The following SMUG1 variants were observed in gnomAD, a reference collection of about 807,000 sequenced individuals.
SMUG1 encodes the protein single-strand-selective monofunctional uracil-DNA glycosylase 1.
SMUG1 carries 13 observed loss-of-function variants against 23.9 expected under a neutral mutation model. The ratio of observed to expected loss-of-function variants is 0.54; its 90% CI spans 0.35 to 0.86. The LOEUF (loss-of-function observed/expected upper bound fraction) is 0.86. Among genes scored for constraint, SMUG1 ranks in the 40% least tolerant of loss-of-function variants. The probability of loss-of-function intolerance (pLI) is 0.01; values close to 1 mark genes in which losing one functional copy is unlikely to be tolerated. For missense variants in SMUG1, 313 were observed against 339.5 expected, an observed-to-expected ratio of 0.92 and a Z score of 0.61; for synonymous variants, 133 against 139.8, an observed-to-expected ratio of 0.95 and a Z score of 0.34.
chr12:54,179,885 A>G (rs1014982672), downstream of SMUG1, among the ~76,000 whole-genome samples: 2 of 152,266 alleles, frequency 1.3e-5, no homozygotes, highest in African/African-American at 2.4e-5. Flanking sequence ...AATATATGGT[A>G]GGGTCCAGGA....
exon 4 of SMUG1, chr12:54,165,410 G>A (rs974615812): frequency 1.3e-5 from 2 of 152,236 alleles, no homozygotes; most frequent in African/African-American, 4.8e-5. Context: ...AGTGGCCCAT[G>A]TCTGTAATTC....
chr12:54,173,854 C>T (rs1203557066), intron 2 of SMUG1, among the ~76,000 whole-genome samples: 2 of 151,362 alleles, frequency 1.3e-5, no homozygotes, highest in African/African-American at 4.9e-5. Flanking sequence ...CAGAAAGACA[C>T]GACAAGCCCC....
downstream of SMUG1, among the ~76,000 whole-genome samples, chr12:54,180,181 T>A (rs1940870276): frequency 6.6e-6 from 1 of 152,200 alleles, no homozygotes; most frequent in Admixed American, 6.5e-5. Context: ...TCAGCCTCCA[T>A]CCTCAGTCAA....
chr12:54,181,464 A>T lies in SMUG1; in HGVS notation c.*632T>A. The stretch of plus-strand genomic sequence containing the variant: ...GGTAGGCATCCCTGTTTTACAGATG[A>T]GGAGCCTGAGGCATAGAGAGGTTTA... On this transcript the variant is annotated 3_prime_UTR_variant, in exon 4 of 4. Transcript: ENST00000682136. The T allele has an allele frequency of 1.7e-6, 2 of 1,194,088 alleles. No homozygotes were observed. Among genetic ancestry groups the T allele is most frequent in the South Asian group, 2.6e-5 (2 of 76,090 alleles). The allele number at this position is 1,194,088 out of a possible 1,614,324, so 74.0% of individuals were successfully genotyped here. A position where few individuals can be genotyped will look rare whatever the true frequency, so the allele number is the denominator to read the frequency against.
downstream of SMUG1, chr12:54,162,323 A>T (rs1940295630): frequency 6.6e-6 from 1 of 152,176 alleles, no homozygotes; most frequent in Non-Finnish European, 1.5e-5. Flanking sequence ...ACTTTTAGGG[A>T]GTACCTTTAT....
At chr12:54,183,499 T>G in intron 3 of SMUG1, 157 bp downstream of exon 3, 1 of 722,652 alleles carries the variant, frequency 1.4e-6, no homozygotes, top group East Asian at 2.6e-5. Context: ...GGAGAGGGCC[T>G]CGGACCACAG....
intron 4 of SMUG1, among the ~76,000 whole-genome samples, chr12:54,159,744 C>T (rs939449872): frequency 3.3e-5 from 5 of 152,118 alleles, no homozygotes; most frequent in African/African-American, 1.2e-4. Context: ...GAGGAAGTGT[C>T]GGTGCAGGTG....
At chr12:54,178,093 G>T (rs1434858280), downstream of SMUG1, among the ~76,000 whole-genome samples, 1 of 152,174 alleles carries the variant, frequency 6.6e-6, no homozygotes, top group Non-Finnish European at 1.5e-5. Flanking sequence ...GGAGGACACA[G>T]CAAGAAGGCA....
downstream of SMUG1, among the ~76,000 whole-genome samples, chr12:54,160,237 T>C (rs1336583971): frequency 2.0e-5 from 3 of 152,250 alleles, no homozygotes; most frequent in Non-Finnish European, 2.9e-5. Context: ...TCGTTATATA[T>C]GCAAATGCCC....
chr12:54,175,809 C>G (rs1044911724), downstream of SMUG1, among the ~76,000 whole-genome samples: 2 of 152,306 alleles, frequency 1.3e-5, no homozygotes, highest in South Asian at 2.1e-4. Context: ...GACACACACA[C>G]AGCAGACATC....
At chr12:54,187,490 A>G (rs3136374) in intron 2 of SMUG1, among the ~76,000 whole-genome samples, 2,793 of 152,320 alleles carry the variant, frequency 0.018, 92 homozygotes, top group African/African-American at 0.063. Flanking sequence ...CCCATGCAAC[A>G]CCAACATTAG....
In SMUG1 at chr12:54,187,819, A is replaced by G. The variant is rs1300430878; in HGVS notation, c.-20T>C. The G allele has an allele frequency of 1.3e-5, 2 of 152,020 alleles. No homozygotes were observed. Among genetic ancestry groups the G allele is most frequent in the Non-Finnish European group, 2.9e-5 (2 of 67,992 alleles). The allele number at this position is 152,020 out of a possible 1,614,324, so 9.4% of individuals were successfully genotyped here. ...TTTTCAATACTTATGAGTCTCTTAC[A>G]TGACAGGCACTGCAGCAGTCTCTTG... is the stretch of plus-strand genomic sequence containing the variant. On this transcript the variant is annotated splice_region_variant and 5_prime_UTR_variant, in exon 2 of 4. It removes an upstream start codon present in the reference 5' UTR. Transcript: ENST00000682136.
At chr12:54,185,533 C>G (rs1942248824) in intron 2 of SMUG1, among the ~76,000 whole-genome samples, 4 of 145,134 alleles carry the variant, frequency 2.8e-5, no homozygotes, top group East Asian at 2.0e-4. Context: ...AATAAATTTG[C>G]CGGGCGCAAC....
At chr12:54,174,207 CAA>C (rs1246443783) in intron 2 of SMUG1, among the ~76,000 whole-genome samples, 3 of 152,190 alleles carry the variant, frequency 2.0e-5, no homozygotes, top group Admixed American at 6.5e-5. Context: ...ATGCTCAGAG[CAA>C]AGTCATCACA....
downstream of SMUG1, among the ~76,000 whole-genome samples, chr12:54,179,881 T>C (rs1940849784): frequency 6.6e-6 from 1 of 152,228 alleles, no homozygotes; most frequent in African/African-American, 2.4e-5. Flanking sequence ...GACAAATATA[T>C]GGTAGGGTCC....
downstream of SMUG1, among the ~76,000 whole-genome samples, chr12:54,161,772 C>G (rs532079536): frequency 1.3e-5 from 2 of 152,334 alleles, no homozygotes; most frequent in African/African-American, 4.8e-5. The surrounding 1 kb of genome is among the most constrained non-coding windows in gnomAD (Gnocchi z 4.2). Flanking sequence ...GGACCCTGAT[C>G]CCACCAAGGA....
intron 1 of SMUG1, among the ~76,000 whole-genome samples, chr12:54,188,267 A>AAATAATAATAATAAT (rs869140620): frequency 2.3e-4 from 26 of 111,560 alleles, no homozygotes; most frequent in East Asian, 7.9e-4. Flanking sequence ...TCCTTAAACG[A>AAATAATAATAATAAT]AATAATAATA....
downstream of SMUG1, among the ~76,000 whole-genome samples, chr12:54,176,581 C>T (rs1449534870): frequency 1.2e-4 from 18 of 146,000 alleles, no homozygotes; most frequent in East Asian, 1.5e-3. Context: ...CCGAGACGGG[C>T]GGATCACAAG....
At chr12:54,182,706 T>C in intron 3 of SMUG1, 83 bp from the exon 4 acceptor site, 4 of 1,520,268 alleles carry the variant, frequency 2.6e-6, no homozygotes, top group South Asian at 1.3e-5. Context: ...TCTTTATACC[T>C]TACATGAGGA....
Sources: allele counts gnomAD v4.1 joint callset (sites outside exome capture counted in the v4.1 genomes callset), GRCh38; gene constraint gnomAD v4.1.1; non-coding constraint Gnocchi (gnomAD v3.1); transcripts MANE v1.5; gene names NCBI Gene and HGNC (gene_info 2026-07-23, HGNC 2026-07-21).